ZNF83: variants seen among roughly 807,000 people sequenced by gnomAD.
The protein encoded by ZNF83 is zinc finger protein 816B.
For missense variants in ZNF83, 552 were observed against 629.9 expected, an observed-to-expected ratio of 0.88 and a Z score of 1.32; for synonymous variants, 209 against 213.0, an observed-to-expected ratio of 0.98 and a Z score of 0.17.
At chr19:52,680,562 A>AT (rs1315098048) in intron 1 of ZNF83, among the ~76,000 whole-genome samples, 2 of 147,778 alleles carry the variant, frequency 1.4e-5, no homozygotes, top group East Asian at 2.0e-4. Context: ...ATTTTGGCAC[A>AT]TTTTTTCTCC....
chr19:52,630,165 A>G (rs530088028), intron 2 of ZNF83, among the ~76,000 whole-genome samples: 407 of 152,284 alleles, frequency 2.7e-3, no homozygotes, highest in Non-Finnish European at 4.3e-3. Context: ...TCACTTGGCA[A>G]CCACTCCCAG....
chr19:52,613,465 T>G (rs2060180478), exon 3 of ZNF83: 5 of 1,613,990 alleles, frequency 3.1e-6, no homozygotes, highest in Admixed American at 1.7e-5. Flanking sequence ...CTCACCGGCA[T>G]GAATTATCAG....
At chr19:52,677,306 TAAA>T (rs67835464) in intron 1 of ZNF83, among the ~76,000 whole-genome samples, 187 of 106,450 alleles carry the variant, frequency 1.8e-3, no homozygotes, top group Middle Eastern at 5.6e-3. Flanking sequence ...AATTGAGAAG[TAAA>T]AAAAAAAAAA....
chr19:52,665,236 G>C (rs2147291588), intron 1 of ZNF83, among the ~76,000 whole-genome samples: 1 of 152,190 alleles, frequency 6.6e-6, no homozygotes, highest in South Asian at 2.1e-4. Flanking sequence ...AGGGAGGAGT[G>C]AGGTCACCAC....
chr19:52,674,015 C>CAAA (rs67570337), intron 1 of ZNF83, among the ~76,000 whole-genome samples: 925 of 72,982 alleles, frequency 0.013, 18 homozygotes, highest in African/African-American at 0.044. Flanking sequence ...GACTCCATCT[C>CAAA]AAAAAAAAAA....
intron 3 of ZNF83, chr19:52,650,490 C>G (rs1307428505): frequency 6.6e-6 from 1 of 152,184 alleles, no homozygotes; most frequent in South Asian, 2.1e-4. Flanking sequence ...CTCTCGACCT[C>G]AGGTGATCCG....
chr19:52,652,680 A>C (rs1305744303), intron 3 of ZNF83: 1 of 590,750 alleles, frequency 1.7e-6, no homozygotes, highest in Non-Finnish European at 3.2e-6. Context: ...AATGATTTGC[A>C]ATGCTTGTAG....
At chr19:52,621,443 C>G (rs1411557363) in intron 2 of ZNF83, among the ~76,000 whole-genome samples, 1 of 152,206 alleles carries the variant, frequency 6.6e-6, no homozygotes, top group Non-Finnish European at 1.5e-5. Context: ...GGAAGACAGT[C>G]TTCCCTTGGT....
Position 52,669,408 on chromosome 19 carries a change from A to G in ZNF83, c.-282-8565T>C, listed in dbSNP as rs534520128. ...TAAACTGGATAAACTAATCTATGACAACCAACAGCTATCTATTAATTACAC... is the reference window on the plus strand; with the variant it reads ...TAAACTGGATAAACTAATCTATGACGACCAACAGCTATCTATTAATTACAC... On this transcript the variant is annotated intron_variant, in intron 1 of 5. Transcript: ENST00000594682. Among the ~76,000 whole-genome samples, 6 of 152,364 alleles carry G rather than the reference A, an allele frequency of 3.9e-5. No homozygotes were observed. The East Asian group carries it at 5.8e-4, about 15-fold the overall frequency.
chr19:52,677,020 A>G (rs908807515), intron 1 of ZNF83, among the ~76,000 whole-genome samples: 5 of 147,230 alleles, frequency 3.4e-5, no homozygotes, highest in South Asian at 2.2e-4. Context: ...GCCTAGGAAA[A>G]CCAGAGACCT....
At chr19:52,649,811 A>C (rs2061420045) in intron 3 of ZNF83, among the ~76,000 whole-genome samples, 1 of 152,160 alleles carries the variant, frequency 6.6e-6, no homozygotes, top group African/African-American at 2.4e-5. Flanking sequence ...AGAAACTAGA[A>C]AACTGGAAAA....
At chr19:52,623,696 T>C (rs1007269883) in intron 2 of ZNF83, among the ~76,000 whole-genome samples, 1 of 152,002 alleles carries the variant, frequency 6.6e-6, no homozygotes, top group African/African-American at 2.4e-5. Context: ...CCATACCTAA[T>C]CACCCTTACC....
intron 1 of ZNF83, chr19:52,636,298 C>G (rs2061145262): frequency 6.6e-6 from 1 of 152,050 alleles, no homozygotes; most frequent in Admixed American, 6.6e-5. Context: ...GGCAATTGGC[C>G]AGACCCTGTC....
chr19:52,626,217 C>T (rs576377881), intron 2 of ZNF83, among the ~76,000 whole-genome samples: 8 of 152,316 alleles, frequency 5.3e-5, no homozygotes, highest in Admixed American at 2.0e-4. Flanking sequence ...ACTTCTGTCA[C>T]GACCTTCCAT....
Position 52,669,532 on chromosome 19 carries a change from G to A in ZNF83, c.-282-8689C>T, listed in dbSNP as rs539630580. On this transcript the variant is annotated intron_variant, in intron 1 of 5. Coordinates refer to the ZNF83 transcript ENST00000594682. The stretch of plus-strand genomic sequence containing the variant: ...TTTGACATGATATTAGCATAAAAAG[G>A]AAGAGTTTGCATCATAATTAAAACT... Among the ~76,000 whole-genome samples the A allele has an allele frequency of 3.9e-5, 6 of 152,260 alleles. No homozygotes were observed. The South Asian group carries it at 1.2e-3, about 32-fold the overall frequency.
chr19:52,636,821 GT>G (rs71304196), intron 1 of ZNF83: 166 of 138,168 alleles, frequency 1.2e-3, no homozygotes, highest in South Asian at 1.2e-3. Flanking sequence ...ATGCCCGGTT[GT>G]TTTTTTTTTT....
intron 2 of ZNF83, among the ~76,000 whole-genome samples, chr19:52,659,625 A>AAAAG (rs1441775827): frequency 4.6e-5 from 7 of 151,996 alleles, no homozygotes; most frequent in Non-Finnish European, 7.4e-5. Context: ...AAAAAAAAAA[A>AAAAG]AAGAGTACCA....
chr19:52,676,043 C>A (rs907029561), intron 1 of ZNF83, among the ~76,000 whole-genome samples: 5 of 150,534 alleles, frequency 3.3e-5, no homozygotes, highest in South Asian at 4.1e-4. Context: ...ACAGCTCTCG[C>A]TCTCCCTCTC....
chr19:52,659,843 A>G (rs994768629), intron 2 of ZNF83, among the ~76,000 whole-genome samples: 1 of 152,158 alleles, frequency 6.6e-6, no homozygotes, highest in Non-Finnish European at 1.5e-5. Context: ...AATCCTAACA[A>G]CAGCCAAAAG....
Sources: gnomAD v4.1 joint callset for allele counts (sites outside exome capture counted in the v4.1 genomes callset) on GRCh38, gnomAD v4.1.1 for gene constraint, MANE v1.5 for transcripts, NCBI Gene and HGNC (gene_info 2026-07-23, HGNC 2026-07-21) for gene names.